The following NHLRC2 variants were observed in gnomAD, a reference collection of about 807,000 sequenced individuals.
NHLRC2 encodes the protein NHL repeat containing 2, also known as NHL repeat-containing protein 2.
A neutral mutation model predicts 68.1 loss-of-function variants in NHLRC2; 33 were observed. That is an observed-to-expected ratio of 0.48 (90% CI 0.37 to 0.65). NHLRC2 has a LOEUF of 0.65. Ranked by LOEUF, NHLRC2 falls within the 30% of genes least tolerant of loss-of-function variation. The pLI, the probability that NHLRC2 is intolerant of heterozygous loss-of-function variation, is 0.00. For synonymous variants in NHLRC2, 311 were observed against 309.6 expected, an observed-to-expected ratio of 1.00 and a Z score of -0.05; for missense variants, 761 against 853.8, an observed-to-expected ratio of 0.89 and a Z score of 1.35.
At chr10:113,898,378 C>T (rs1258965494) in intron 6 of NHLRC2, among the ~76,000 whole-genome samples, 169 bp downstream of exon 6, 2 of 152,234 alleles carry the variant, frequency 1.3e-5, no homozygotes, top group Non-Finnish European at 2.9e-5. Flanking sequence ...TTATTGCTCA[C>T]TCACATGGGT....
chr10:113,903,414 T>G, intron 8 of NHLRC2, 113 bp from the exon 9 acceptor site: 1 of 698,500 alleles, frequency 1.4e-6, no homozygotes. Context: ...TTGTGAGACT[T>G]ATTGAGAATA....
intron 7 of NHLRC2, among the ~76,000 whole-genome samples, chr10:113,902,162 G>GA (rs1287297965): frequency 6.6e-6 from 1 of 152,016 alleles, no homozygotes; most frequent in Non-Finnish European, 1.5e-5. Context: ...TTGGAGAAAA[G>GA]AAAAAAATGT....
At chr10:113,859,688 G>A (rs1845797630) in intron 2 of NHLRC2, among the ~76,000 whole-genome samples, 1 of 152,176 alleles carries the variant, frequency 6.6e-6, no homozygotes, top group Admixed American at 6.5e-5. Context: ...GGTTTTAGAT[G>A]CCAGTGTTTC....
chr10:113,902,452 C>T lies in NHLRC2; in HGVS notation c.1372-19C>T. ...AATTATAATAACTGCTGTTTCTTTT[C>T]TTTTAAAAAAAATTAAAGAATTTAT... On this transcript the variant is annotated intron_variant, in intron 7 of 10. Coordinates refer to ENST00000369301, the MANE Select transcript of NHLRC2 (RefSeq NM_198514.4). 2.0e-6 allele frequency: 3 copies of T among 1,509,568 alleles called. No homozygotes were observed. Among genetic ancestry groups the T allele is most frequent in the Non-Finnish European group, 2.7e-6 (3 of 1,116,530 alleles). 93.5% of individuals were successfully genotyped at this position (1,509,568 alleles called of 1,614,324 possible).
intron 2 of NHLRC2, among the ~76,000 whole-genome samples, chr10:113,859,447 G>C (rs546533091): frequency 2.5e-4 from 38 of 152,206 alleles, no homozygotes; most frequent in African/African-American, 8.9e-4. Context: ...GATGAGAATA[G>C]ACTATATACG....
intron 2 of NHLRC2, among the ~76,000 whole-genome samples, chr10:113,867,357 A>G (rs1845877744): frequency 6.6e-6 from 1 of 152,262 alleles, no homozygotes; most frequent in Non-Finnish European, 1.5e-5. Flanking sequence ...GTACTATGAA[A>G]ACATTGCCAA....
At chr10:113,871,065 C>T (rs1367507955) in intron 2 of NHLRC2, among the ~76,000 whole-genome samples, 1 of 116,928 alleles carries the variant, frequency 8.6e-6, no homozygotes, top group Non-Finnish European at 1.7e-5. Flanking sequence ...GTTCTTATTG[C>T]CCAGGCTAGA....
At chr10:113,905,812 A>C (rs974444348) in intron 10 of NHLRC2, among the ~76,000 whole-genome samples, 1 of 152,132 alleles carries the variant, frequency 6.6e-6, no homozygotes, top group Non-Finnish European at 1.5e-5. Context: ...ACTGGCCTGC[A>C]ATTATAATAT....
chr10:113,883,122 C>G (rs1043817785), intron 4 of NHLRC2, among the ~76,000 whole-genome samples: 5 of 151,762 alleles, frequency 3.3e-5, no homozygotes, highest in African/African-American at 1.2e-4. Context: ...TCTTCTTTTT[C>G]AAGATTATTT....
chr10:113,904,755 C>A, intron 9 of NHLRC2, 62 bp from the exon 10 acceptor site: 1 of 1,203,068 alleles, frequency 8.3e-7, no homozygotes, highest in Non-Finnish European at 1.2e-6. Flanking sequence ...TAAAAATATG[C>A]TCTCATTCTA....
intron 2 of NHLRC2, among the ~76,000 whole-genome samples, chr10:113,873,081 G>C (rs1041915963): frequency 6.6e-6 from 1 of 152,154 alleles, no homozygotes; most frequent in Non-Finnish European, 1.5e-5. Flanking sequence ...GACTGGCCAT[G>C]CTTTTCACAA....
At chr10:113,901,158 C>T (rs1564858455) in intron 6 of NHLRC2, among the ~76,000 whole-genome samples, 1 of 152,010 alleles carries the variant, frequency 6.6e-6, no homozygotes, top group Non-Finnish European at 1.5e-5. Flanking sequence ...TAATGTCTGA[C>T]CTGGCCAACT....
chr10:113,858,588 T>C lies in NHLRC2; in HGVS notation c.239T>C (p.Ile80Thr). 1 of 1,610,404 alleles carries C rather than the reference T, an allele frequency of 6.2e-7. No individual in the cohort carries two copies. Residue 80 changes from isoleucine to threonine, a missense_variant, in exon 2 of 11, where the codon ATA (isoleucine) becomes ACA (threonine). Physicochemically the swap from Ile to Thr is moderately conservative, Grantham distance 89. Transcript: ENST00000369301. ...GTCTACAAGGATCTATGTGGAAAAA[T>C]AGTCGTCCTTGATTTCTTCACCTAC... ...ISVYKDLCGK[I>T]VVLDFFTYCC...
intron 1 of NHLRC2, among the ~76,000 whole-genome samples, chr10:113,855,667 G>GT (rs1845745466): frequency 6.6e-6 from 1 of 151,092 alleles, no homozygotes; most frequent in African/African-American, 2.5e-5. Context: ...GTTTTGTTTT[G>GT]TTTGTATTTT....
Position 113,915,073 on chromosome 10 carries a change from C to CT in NHLRC2, c.*6541dup, listed in dbSNP as rs923681304. 1.1e-5 allele frequency: 5 copies of CT among 456,082 alleles called. No individual in the cohort carries two copies. The Admixed American group carries it at 1.2e-4, about 11-fold the overall frequency. The allele number at this position is 456,082 out of a possible 1,614,324, so 28.3% of individuals were successfully genotyped here. Reference sequence around the variant, plus strand: ...CTGAGTGTGTTGGTTTGGTTTAATTCTTTTCAAGGGTTGGAGTTGGAAAGT... The same window carrying CT: ...CTGAGTGTGTTGGTTTGGTTTAATTCTTTTTCAAGGGTTGGAGTTGGAAAGT... On this transcript the variant is annotated 3_prime_UTR_variant, in exon 11 of 11. Transcript: ENST00000369301.
At chr10:113,864,399 CTA>C (rs532443957) in intron 2 of NHLRC2, among the ~76,000 whole-genome samples, 45 of 152,172 alleles carry the variant, frequency 3.0e-4, no homozygotes, top group African/African-American at 9.6e-4. Context: ...ATGGAAGAAA[CTA>C]TAAGAACACA....
At chr10:113,898,085 AT>A in intron 5 of NHLRC2, 24 bp from the exon 6 acceptor site, 1 of 1,405,704 alleles carries the variant, frequency 7.1e-7, no homozygotes, top group Non-Finnish European at 1.0e-6. Flanking sequence ...TATGTATATA[AT>A]AATAATGATT....
intron 4 of NHLRC2, among the ~76,000 whole-genome samples, 191 bp downstream of exon 4, chr10:113,879,886 C>A (rs1200525903): frequency 6.6e-6 from 1 of 152,016 alleles, no homozygotes; most frequent in Non-Finnish European, 1.5e-5. Flanking sequence ...GTATTTGTCA[C>A]AAAAGAAAAC....
chr10:113,858,106 A>T (rs1364160905), intron 1 of NHLRC2, among the ~76,000 whole-genome samples: 2 of 127,708 alleles, frequency 1.6e-5, no homozygotes, highest in Admixed American at 8.0e-5. Flanking sequence ...CTGTTACCCT[A>T]TTTCTGAAAG....
Sources: allele counts gnomAD v4.1 joint callset (sites outside exome capture counted in the v4.1 genomes callset), GRCh38; gene constraint gnomAD v4.1.1; transcripts MANE v1.5; gene names NCBI Gene and HGNC (gene_info 2026-07-23, HGNC 2026-07-21).